The following SETD3 variants were observed in gnomAD, a reference collection of about 807,000 sequenced individuals.
SETD3 encodes actin-histidine N-methyltransferase.
SETD3 carries 19 observed loss-of-function variants against 63.0 expected under a neutral mutation model. That is an observed-to-expected ratio of 0.30 (90% CI 0.21 to 0.44). SETD3 has a LOEUF of 0.44. Ranked by LOEUF, SETD3 falls within the 20% of genes least tolerant of loss-of-function variation. The pLI, the probability that SETD3 is intolerant of heterozygous loss-of-function variation, is 1.00. For missense variants in SETD3, 587 were observed against 728.5 expected, an observed-to-expected ratio of 0.81 and a Z score of 2.24; for synonymous variants, 286 against 264.1, an observed-to-expected ratio of 1.08 and a Z score of -0.80.
At chr14:99,485,422 A>T (rs985677403), upstream of SETD3, among the ~76,000 whole-genome samples, 1 of 152,184 alleles carries the variant, frequency 6.6e-6, no homozygotes, top group African/African-American at 2.4e-5. Flanking sequence ...CCCCCTTAAA[A>T]GATTATTTAA....
intron 1 of SETD3, among the ~76,000 whole-genome samples, chr14:99,476,052 C>A (rs1895955976): frequency 6.6e-6 from 1 of 152,196 alleles, no homozygotes; most frequent in Non-Finnish European, 1.5e-5. Context: ...CCATCACAAT[C>A]ATGTCATTTG....
chr14:99,461,950 A>C (rs1270479280), intron 3 of SETD3, among the ~76,000 whole-genome samples: 2 of 152,224 alleles, frequency 1.3e-5, no homozygotes, highest in Non-Finnish European at 2.9e-5. Context: ...CATTTATGTA[A>C]ATTTTTCAAA....
chr14:99,470,345 G>A (rs1895632649), intron 1 of SETD3, among the ~76,000 whole-genome samples: 1 of 152,238 alleles, frequency 6.6e-6, no homozygotes. Flanking sequence ...TTGGGATTCT[G>A]TCTTTTGGCA....
At chr14:99,448,338 C>A (rs752193994) in intron 6 of SETD3, among the ~76,000 whole-genome samples, 3 of 152,194 alleles carry the variant, frequency 2.0e-5, no homozygotes, top group Non-Finnish European at 2.9e-5. Context: ...GCAGAAGCGT[C>A]ATCTGCAGCT....
intron 3 of SETD3, among the ~76,000 whole-genome samples, chr14:99,462,223 G>A (rs567593304): frequency 6.6e-6 from 1 of 152,342 alleles, no homozygotes; most frequent in Admixed American, 6.5e-5. Flanking sequence ...AGCTGGGGTA[G>A]CAGATTCTTG....
At chr14:99,431,959 G>A (rs976627315) in intron 6 of SETD3, among the ~76,000 whole-genome samples, 7 of 152,130 alleles carry the variant, frequency 4.6e-5, no homozygotes, top group African/African-American at 1.7e-4. Context: ...ACATGGTCAT[G>A]AATACACAGA....
chr14:99,444,447 T>G (rs1894014496), intron 6 of SETD3: 1 of 152,220 alleles, frequency 6.6e-6, no homozygotes, highest in Non-Finnish European at 1.5e-5. Flanking sequence ...ATAGTTAACA[T>G]TAACACATTT....
At position 99,413,043 on chromosome 14, in the gene SETD3, T is replaced by A. The variant is rs769793308; in HGVS notation, c.757A>T (p.Thr253Ser). The change falls in exon 8 of 13, where the codon ACG becomes TCG. Residue 253 changes from threonine (T) to serine (S), a missense_variant. Thr to Ser is a moderately conservative substitution (Grantham distance 58). Coordinates refer to ENST00000331768, the MANE Select transcript of SETD3 (RefSeq NM_032233.3). ...DYRWAVSSVM[T>S]RQNQIPTEDG... ...TCTGTGGGAATTTGGTTTTGCCTCG[T>A]CATAACAGAAGAGACTGCCCACCTA... The A allele has an allele frequency of 3.1e-6, 5 of 1,613,080 alleles. No individual in the cohort carries two copies. The highest frequency in any genetic ancestry group is 2.2e-5 in the East Asian group (1 of 44,868).
chr14:99,427,819 C>T (rs998346551), intron 6 of SETD3, among the ~76,000 whole-genome samples: 2 of 152,136 alleles, frequency 1.3e-5, no homozygotes, highest in African/African-American at 2.4e-5. Context: ...CACCAGGATA[C>T]ATGACACGTG....
At chr14:99,405,593 G>C (rs1193964665) in intron 9 of SETD3, among the ~76,000 whole-genome samples, 1 of 152,150 alleles carries the variant, frequency 6.6e-6, no homozygotes, top group Non-Finnish European at 1.5e-5. Flanking sequence ...ACCGTGTGGA[G>C]AGGAGAGGGG....
intron 6 of SETD3, among the ~76,000 whole-genome samples, chr14:99,440,953 G>A (rs1190053558): frequency 1.3e-5 from 2 of 152,180 alleles, no homozygotes; most frequent in Non-Finnish European, 2.9e-5. Flanking sequence ...TCACTTCTCA[G>A]AAGACAAAGA....
rs1454765807 is a variant in SETD3 at position 99,398,707 on chromosome 14, G to A, written c.1757C>T (p.Ser586Leu). 1 of 1,614,170 alleles carries A rather than the reference G, an allele frequency of 6.2e-7. No individual in the cohort carries two copies. The highest frequency in any genetic ancestry group is 8.5e-7 in the Non-Finnish European group (1 of 1,180,022). The change falls in exon 13 of 13, where the codon TCA (serine) becomes TTA (leucine). Residue 586 changes from serine to leucine, a missense_variant. Physicochemically the swap from Ser to Leu is moderately radical, Grantham distance 145. Coordinates refer to ENST00000331768, the MANE Select transcript of SETD3 (RefSeq NM_032233.3). ...CTCCTTAACTCCAGCAGTGCTGTCT[G>A]AAGAAGATCCTTTGGCGTCTTCAAC... The part of the protein sequence containing the change: ...RAVEDAKGSS[S>L]DSTAGVKE
At chr14:99,483,785 G>A (rs1437563164), upstream of SETD3, among the ~76,000 whole-genome samples, 1 of 152,248 alleles carries the variant, frequency 6.6e-6, no homozygotes, top group Non-Finnish European at 1.5e-5. Context: ...ATGAGTTGAT[G>A]TAAGCCTGGG....
At chr14:99,446,731 G>A (rs1473857648) in intron 6 of SETD3, among the ~76,000 whole-genome samples, 2 of 152,126 alleles carry the variant, frequency 1.3e-5, no homozygotes, top group Non-Finnish European at 2.9e-5. Flanking sequence ...GGAAGAGGAG[G>A]AAGGCCATGG....
In SETD3 at chr14:99,419,293, A is replaced by G. The variant is rs577933855; in HGVS notation, c.676-5359T>C. On this transcript the variant is annotated intron_variant, in intron 6 of 12. Coordinates refer to ENST00000331768, the MANE Select transcript of SETD3 (RefSeq NM_032233.3). ...TATAATTTTTCTATGACAAATGTGTATCACCTTATAATTTAAAAAACTTAA... is the reference window on the plus strand; with the variant it reads ...TATAATTTTTCTATGACAAATGTGTGTCACCTTATAATTTAAAAAACTTAA... Among the ~76,000 whole-genome samples the G allele has an allele frequency of 3.3e-5, 5 of 152,346 alleles. No homozygotes were observed. In the East Asian group the frequency reaches 9.6e-4, roughly 29 times the overall value.
chr14:99,451,313 C>T (rs539969475), intron 6 of SETD3, among the ~76,000 whole-genome samples: 87 of 152,202 alleles, frequency 5.7e-4, no homozygotes, highest in Admixed American at 1.0e-3. Flanking sequence ...ACCATGAGCC[C>T]TCTCTTCTTC....
chr14:99,401,310 C>T (rs977383553), intron 11 of SETD3, among the ~76,000 whole-genome samples: 4 of 152,174 alleles, frequency 2.6e-5, no homozygotes, highest in Non-Finnish European at 5.9e-5. Context: ...TATCTCCCGG[C>T]ACATTATCTC....
At chr14:99,436,532 G>A (rs1893492364) in intron 6 of SETD3, among the ~76,000 whole-genome samples, 1 of 152,090 alleles carries the variant, frequency 6.6e-6, no homozygotes, top group African/African-American at 2.4e-5. Context: ...TACAGCACAG[G>A]GATAAGTGTT....
intron 6 of SETD3, among the ~76,000 whole-genome samples, chr14:99,422,506 T>C (rs1892644213): frequency 6.6e-6 from 1 of 152,162 alleles, no homozygotes; most frequent in African/African-American, 2.4e-5. Flanking sequence ...TATGAGGAGC[T>C]CATGAGGAAT....
Sources: gnomAD v4.1 joint callset for allele counts (sites outside exome capture counted in the v4.1 genomes callset) on GRCh38, gnomAD v4.1.1 for gene constraint, MANE v1.5 for transcripts, NCBI Gene and HGNC (gene_info 2026-07-23, HGNC 2026-07-21) for gene names.